ITGA4: variants seen among roughly 807,000 people sequenced by gnomAD.
The protein encoded by ITGA4 is integrin alpha-4.
Under a neutral mutation model 133.6 loss-of-function variants are expected in ITGA4, and 63 were observed. That is an observed-to-expected ratio of 0.47 (90% CI 0.38 to 0.58). ITGA4 has a LOEUF of 0.58. Among genes scored for constraint, ITGA4 ranks in the 20% least tolerant of loss-of-function variants. ITGA4 has a pLI of 0.00. For missense variants in ITGA4, 1,076 were observed against 1,252.7 expected (o/e 0.86, Z 2.13); for synonymous variants, 483 against 438.0 (o/e 1.10, Z -1.28).
At chr2:181,530,069 C>T (rs1272485353) in intron 23 of ITGA4, among the ~76,000 whole-genome samples, 1 of 152,116 alleles carries the variant, frequency 6.6e-6, no homozygotes, top group Admixed American at 6.5e-5. Flanking sequence ...GATATTCTTG[C>T]ACTGATGGTT....
At chr2:181,525,122 G>A (rs937871976) in intron 20 of ITGA4, 80 bp from the exon 21 acceptor site, 2 of 779,300 alleles carry the variant, frequency 2.6e-6, no homozygotes, top group Admixed American at 3.7e-5. Context: ...AGTATATTAG[G>A]TATACAGGGT....
In ITGA4 at chr2:181,535,500, T is replaced by C. The variant is rs1266774725; in HGVS notation, c.3072T>C (p.Tyr1024=). ...QEENRRDSWS[Y]INSKSNDD ...AAAACAGAAGAGACAGTTGGAGTTA[T>C]ATCAACAGTAAAAGCAATGATGATT... is the stretch of plus-strand genomic sequence containing the variant. The change falls in exon 28 of 28, where the codon TAT becomes TAC. Residue 1024 remains tyrosine (Y), a synonymous_variant. Transcript: ENST00000397033. The C allele has an allele frequency of 6.2e-7, 1 of 1,609,938 alleles. No homozygotes were observed. The highest frequency in any genetic ancestry group is 8.5e-7 in the Non-Finnish European group (1 of 1,177,730).
rs1247331480 is a variant in ITGA4, at chr2:181,538,194, A to ATCATT, written c.*2670_*2674dup. The ATCATT allele has an allele frequency of 2.5e-6, 4 of 1,576,746 alleles. No homozygotes were observed. Among genetic ancestry groups the ATCATT allele is most frequent in the Non-Finnish European group, 3.5e-6 (4 of 1,147,452 alleles). The stretch of plus-strand genomic sequence containing the variant: ...AGAAACAATTACATGTTACTTTGGA[A>ATCATT]TCATTTCTTCCATGCTTCCTCCATA... On this transcript the variant is annotated 3_prime_UTR_variant, in exon 28 of 28. Transcript: ENST00000397033.
At position 181,536,993 on chromosome 2, in the gene ITGA4, C is replaced by T. The variant is rs1248508066; in HGVS notation, c.*1466C>T. 2 of 449,190 alleles carry T rather than the reference C, an allele frequency of 4.5e-6. No homozygotes were observed. The highest frequency in any genetic ancestry group is 7.0e-5 in the East Asian group (1 of 14,376). 27.8% of individuals were successfully genotyped at this position (449,190 alleles called of 1,614,324 possible). A position where few individuals can be genotyped will look rare whatever the true frequency, so the allele number is the denominator to read the frequency against. ...CTAATTGATGAAAGTTATCTGTTCA[C>T]AGGCCTGCAGTGATGGTGAGGAATG... On this transcript the variant is annotated 3_prime_UTR_variant, in exon 28 of 28. Transcript: ENST00000397033.
In ITGA4 at chr2:181,537,288, A is replaced by C. The variant is rs1333780167; in HGVS notation, c.*1761A>C. Reference sequence around the variant, plus strand: ...TACTCAGAACTACTCAGAAACAACTATATATTTCAGGTTATCTGAGCACAG... The same window carrying C: ...TACTCAGAACTACTCAGAAACAACTCTATATTTCAGGTTATCTGAGCACAG... On this transcript the variant is annotated 3_prime_UTR_variant, in exon 28 of 28. Coordinates refer to ENST00000397033, the MANE Select transcript of ITGA4 (RefSeq NM_000885.6). The C allele has an allele frequency of 6.6e-6, 3 of 453,576 alleles. No homozygotes were observed. Among genetic ancestry groups the C allele is most frequent in the African/African-American group, 2.0e-5 (1 of 49,952 alleles). 28.1% of individuals were successfully genotyped at this position (453,576 alleles called of 1,614,324 possible).
At chr2:181,524,060 A>T in intron 19 of ITGA4, 111 bp from the exon 20 acceptor site, 1 of 688,132 alleles carries the variant, frequency 1.5e-6, no homozygotes. Context: ...TGCCTTTACA[A>T]TGGTTCAATT....
intron 10 of ITGA4, among the ~76,000 whole-genome samples, chr2:181,488,805 G>A (rs551990812): frequency 4.1e-4 from 62 of 152,118 alleles, no homozygotes; most frequent in African/African-American, 1.3e-3. Flanking sequence ...TGATCTGCCC[G>A]CCTTGGCCTC....
At chr2:181,477,363 A>G (rs192858371) in intron 4 of ITGA4, among the ~76,000 whole-genome samples, 27 of 152,256 alleles carry the variant, frequency 1.8e-4, no homozygotes, top group African/African-American at 6.3e-4. Context: ...AAATAAACAA[A>G]TGAGACTATA....
intron 22 of ITGA4, 192 bp downstream of exon 22, chr2:181,527,579 G>T (rs1366683025): frequency 1.0e-5 from 5 of 499,910 alleles, no homozygotes; most frequent in Non-Finnish European, 1.8e-5. Flanking sequence ...TCTTGTCCCT[G>T]ATATTCAAGC....
chr2:181,533,671 T>A (rs1209482187), intron 25 of ITGA4, among the ~76,000 whole-genome samples: 2 of 152,180 alleles, frequency 1.3e-5, no homozygotes, highest in Non-Finnish European at 2.9e-5. Flanking sequence ...AGCTTGTCAT[T>A]TTTGGCTCTA....
At chr2:181,511,517 T>C (rs1239218824) in intron 16 of ITGA4, among the ~76,000 whole-genome samples, 182 bp from the exon 17 acceptor site, 1 of 152,108 alleles carries the variant, frequency 6.6e-6, no homozygotes, top group Non-Finnish European at 1.5e-5. Flanking sequence ...CTGCAAGTAA[T>C]TGTCATTTGA....
intron 2 of ITGA4, among the ~76,000 whole-genome samples, chr2:181,463,554 G>C (rs1158876348): frequency 6.6e-6 from 1 of 152,140 alleles, no homozygotes; most frequent in African/African-American, 2.4e-5. Context: ...TGAAAGAGAT[G>C]AGTGAGAATG....
intron 15 of ITGA4, among the ~76,000 whole-genome samples, chr2:181,505,276 C>T (rs1288616486): frequency 6.6e-6 from 1 of 151,896 alleles, no homozygotes; most frequent in Non-Finnish European, 1.5e-5. Context: ...AATATTTATT[C>T]CTGACATTAT....
At chr2:181,472,744 T>A (rs1685584796) in intron 2 of ITGA4, among the ~76,000 whole-genome samples, 2 of 152,222 alleles carry the variant, frequency 1.3e-5, no homozygotes, top group African/African-American at 4.8e-5. Flanking sequence ...CAATAACAAC[T>A]CCCTATTTTA....
At chr2:181,471,710 C>G (rs3770130) in intron 2 of ITGA4, among the ~76,000 whole-genome samples, 22,253 of 152,162 alleles carry the variant, frequency 0.15, 1,832 homozygotes, top group Middle Eastern at 0.21. Flanking sequence ...TTCCCACTTA[C>G]ACACCTGCCA....
At chr2:181,531,368 T>C (rs548053706) in intron 24 of ITGA4, among the ~76,000 whole-genome samples, 18 of 152,290 alleles carry the variant, frequency 1.2e-4, no homozygotes, top group African/African-American at 3.8e-4. Context: ...AGCAAGACTC[T>C]GATTAGGAAC....
chr2:181,489,706 C>T (rs1310338128), intron 10 of ITGA4, among the ~76,000 whole-genome samples: 11 of 151,786 alleles, frequency 7.2e-5, no homozygotes, highest in Non-Finnish European at 1.3e-4. Flanking sequence ...TTACATGCAT[C>T]GATTACATAG....
At position 181,523,570 on chromosome 2, in the gene ITGA4, T is replaced by C. The variant is rs747985502; in HGVS notation, c.2169+38T>C. On this transcript the variant is annotated intron_variant, in intron 19 of 27. Coordinates refer to ENST00000397033, the MANE Select transcript of ITGA4 (RefSeq NM_000885.6). This position sits in a 1 kb window ranked among gnomAD's most constrained non-coding sequence, Gnocchi z 4.2. ...TATTTATGGCTTTTGTTCACTATCATGAATATTTTTTTCTATTCTTCCCTA... is the reference window on the plus strand; with the variant it reads ...TATTTATGGCTTTTGTTCACTATCACGAATATTTTTTTCTATTCTTCCCTA... The C allele has an allele frequency of 1.8e-6, 2 of 1,130,678 alleles. No individual in the cohort carries two copies. Among genetic ancestry groups the C allele is most frequent in the Middle Eastern group, 2.0e-4 (1 of 5,028 alleles). 70.0% of individuals were successfully genotyped at this position (1,130,678 alleles called of 1,614,324 possible). A position where few individuals can be genotyped will look rare whatever the true frequency, so the allele number is the denominator to read the frequency against.
intron 2 of ITGA4, among the ~76,000 whole-genome samples, chr2:181,467,480 T>A (rs907341644): frequency 6.6e-6 from 1 of 152,146 alleles, no homozygotes; most frequent in African/African-American, 2.4e-5. Flanking sequence ...ACTAGCACTG[T>A]CAAAAGTTAT....
Sources: allele counts gnomAD v4.1 joint callset (sites outside exome capture counted in the v4.1 genomes callset), GRCh38; gene constraint gnomAD v4.1.1; non-coding constraint Gnocchi (gnomAD v3.1); transcripts MANE v1.5; gene names NCBI Gene and HGNC (gene_info 2026-07-23, HGNC 2026-07-21).